Variants in NRG3 observed in about 807,000 individuals in gnomAD.
NRG3 encodes the protein pro-neuregulin-3, membrane-bound isoform.
Under a neutral mutation model 66.9 loss-of-function variants are expected in NRG3, and 31 were observed. That is an observed-to-expected ratio of 0.46 (90% confidence interval 0.35 to 0.63). The LOEUF (loss-of-function observed/expected upper bound fraction) is 0.63, where lower values mean the gene tolerates loss of function less well. NRG3 is among the 20% of genes least tolerant of loss of function. The pLI is 0.00. For missense variants in NRG3, 910 were observed against 878.9 expected (o/e 1.04, Z -0.45); for synonymous variants, 393 against 359.4 (o/e 1.09, Z -1.06).
At chr10:82,912,917 T>G (rs1845465011) in intron 4 of NRG3, among the ~76,000 whole-genome samples, 1 of 152,186 alleles carries the variant, frequency 6.6e-6, no homozygotes, top group Non-Finnish European at 1.5e-5. Context: ...TCTTGACTAG[T>G]ATAGATAACT....
intron 1 of NRG3, among the ~76,000 whole-genome samples, chr10:82,058,249 G>C (rs2063953805): frequency 6.6e-6 from 1 of 151,570 alleles, no homozygotes; most frequent in African/African-American, 2.4e-5. Flanking sequence ...TTTTTCCCTA[G>C]TTTGTTATAT....
At chr10:81,885,166 A>G (rs1249449640) in intron 1 of NRG3, among the ~76,000 whole-genome samples, 1 of 152,116 alleles carries the variant, frequency 6.6e-6, no homozygotes, top group Non-Finnish European at 1.5e-5. Context: ...ATGACAGAAA[A>G]CAGTTACAGA....
At chr10:82,183,990 C>CT (rs1462258569) in intron 1 of NRG3, among the ~76,000 whole-genome samples, 1 of 152,096 alleles carries the variant, frequency 6.6e-6, no homozygotes, top group East Asian at 1.9e-4. Context: ...ATAACATCTA[C>CT]TTTTTTGCAA....
chr10:82,493,862 A>G (rs1843380387), intron 2 of NRG3, among the ~76,000 whole-genome samples: 1 of 151,632 alleles, frequency 6.6e-6, no homozygotes, highest in Non-Finnish European at 1.5e-5. Context: ...ACAAACATCT[A>G]ATATCCAGAA....
intron 1 of NRG3, among the ~76,000 whole-genome samples, chr10:82,147,452 T>C (rs1484183577): frequency 1.3e-5 from 2 of 152,192 alleles, no homozygotes; most frequent in Non-Finnish European, 2.9e-5. Flanking sequence ...AATACAAAAA[T>C]AGATTTGTTG....
At chr10:82,310,653 A>T (rs1477350082) in intron 1 of NRG3, among the ~76,000 whole-genome samples, 1 of 151,038 alleles carries the variant, frequency 6.6e-6, no homozygotes, top group Non-Finnish European at 1.5e-5. Flanking sequence ...TCTTCCAATC[A>T]TTTTTTTTTC....
At chr10:82,013,867 T>A (rs1434366990) in intron 1 of NRG3, among the ~76,000 whole-genome samples, 2 of 152,084 alleles carry the variant, frequency 1.3e-5, no homozygotes, top group Non-Finnish European at 2.9e-5. Context: ...TTTATTCGTA[T>A]TTTTTTTCTT....
chr10:81,910,858 A>G (rs941589274), intron 1 of NRG3, among the ~76,000 whole-genome samples: 1 of 152,014 alleles, frequency 6.6e-6, no homozygotes, highest in African/African-American at 2.4e-5. Context: ...GAATCTTGCA[A>G]TGTTGCCCAG....
intron 1 of NRG3, among the ~76,000 whole-genome samples, chr10:82,139,545 A>T (rs753813996): frequency 6.6e-6 from 1 of 152,182 alleles, no homozygotes; most frequent in Non-Finnish European, 1.5e-5. Flanking sequence ...TCATTGTCCA[A>T]TCTGAAAACT....
chr10:82,159,077 A>G (rs1380428134), intron 1 of NRG3, among the ~76,000 whole-genome samples: 1 of 151,936 alleles, frequency 6.6e-6, no homozygotes, highest in Non-Finnish European at 1.5e-5. Context: ...AAATTAAAAT[A>G]GAAGACCAAC....
At chr10:82,218,711 T>A (rs1192272737) in intron 1 of NRG3, among the ~76,000 whole-genome samples, 1 of 152,148 alleles carries the variant, frequency 6.6e-6, no homozygotes, top group Non-Finnish European at 1.5e-5. Flanking sequence ...TTTTCCTCTC[T>A]TCCCAAAGCT....
intron 2 of NRG3, among the ~76,000 whole-genome samples, chr10:82,681,638 G>A (rs1414662543): frequency 6.6e-6 from 1 of 152,132 alleles, no homozygotes; most frequent in African/African-American, 2.4e-5. Context: ...GTCAGTAAAA[G>A]TGACACCTTC....
intron 1 of NRG3, among the ~76,000 whole-genome samples, chr10:82,053,242 C>A (rs144211374): frequency 6.6e-6 from 1 of 151,842 alleles, no homozygotes; most frequent in South Asian, 2.1e-4. Context: ...TTTCAGTAGT[C>A]CAACACATTA....
At chr10:82,087,810 A>T (rs1257623229) in intron 1 of NRG3, among the ~76,000 whole-genome samples, 3 of 152,034 alleles carry the variant, frequency 2.0e-5, no homozygotes, top group Non-Finnish European at 2.9e-5. Flanking sequence ...AATCCTAGCC[A>T]CTCTCAAATG....
At chr10:82,603,955 A>G (rs1399245705) in intron 2 of NRG3, among the ~76,000 whole-genome samples, 1 of 152,218 alleles carries the variant, frequency 6.6e-6, no homozygotes, top group Non-Finnish European at 1.5e-5. Context: ...AAGAGTTTTC[A>G]TATGACCCTT....
intron 2 of NRG3, among the ~76,000 whole-genome samples, chr10:82,437,595 G>C (rs1183119378): frequency 6.6e-6 from 1 of 152,014 alleles, no homozygotes; most frequent in East Asian, 1.9e-4. Flanking sequence ...GAGATGTTGC[G>C]ATCATTTGGA....
At chr10:82,037,567 G>T (rs957342559) in intron 1 of NRG3, among the ~76,000 whole-genome samples, 15 of 152,100 alleles carry the variant, frequency 9.9e-5, no homozygotes, top group African/African-American at 3.1e-4. Flanking sequence ...TTGAAAAATC[G>T]ATTTTTTTCT....
intron 4 of NRG3, among the ~76,000 whole-genome samples, chr10:82,897,410 C>T (rs1009850898): frequency 6.6e-6 from 1 of 152,168 alleles, no homozygotes; most frequent in Non-Finnish European, 1.5e-5. Context: ...TGCAAAAGAT[C>T]CATCTTGAAT....
At chr10:82,333,796 G>A (rs1217228005) in intron 1 of NRG3, among the ~76,000 whole-genome samples, 2 of 152,134 alleles carry the variant, frequency 1.3e-5, no homozygotes, top group African/African-American at 4.8e-5. Flanking sequence ...ATGGAAAAAT[G>A]TCGTGCCCTG....
Sources: allele counts gnomAD v4.1 joint callset (sites outside exome capture counted in the v4.1 genomes callset), GRCh38; gene constraint gnomAD v4.1.1; transcripts MANE v1.5; gene names NCBI Gene and HGNC (gene_info 2026-07-23, HGNC 2026-07-21).